Variants in NNMT observed in about 807,000 individuals in gnomAD.
NNMT encodes nicotinamide N-methyltransferase.
In NNMT, 10 loss-of-function variants were observed where a neutral mutation model predicts 11.7. That is an observed-to-expected ratio of 0.85 (90% CI 0.53 to 1.45). NNMT has a LOEUF of 1.45. Among genes scored for constraint, NNMT ranks in the 40% most tolerant of loss-of-function variants. The pLI is 0.00. For synonymous variants in NNMT, 143 were observed against 133.8 expected, an observed-to-expected ratio of 1.07 and a Z score of -0.48; for missense variants, 381 against 319.4, an observed-to-expected ratio of 1.19 and a Z score of -1.47.
At chr11:114,311,226 G>A (rs1945545981) in intron 2 of NNMT, among the ~76,000 whole-genome samples, 1 of 152,196 alleles carries the variant, frequency 6.6e-6, no homozygotes, top group Admixed American at 6.5e-5. Flanking sequence ...TGCTTTGGGA[G>A]GCTGAGGTGG....
chr11:114,286,688 T>C (rs1945302880), intron 2 of NNMT, among the ~76,000 whole-genome samples: 1 of 152,212 alleles, frequency 6.6e-6, no homozygotes, highest in Non-Finnish European at 1.5e-5. Flanking sequence ...TATTCTACCA[T>C]TGTTGGACTT....
At chr11:114,276,631 A>G (rs889168601) in intron 2 of NNMT, among the ~76,000 whole-genome samples, 7 of 152,324 alleles carry the variant, frequency 4.6e-5, no homozygotes, top group African/African-American at 1.7e-4. Context: ...GAATTAGACC[A>G]GAGAAATAAA....
chr11:114,311,146 T>C (rs975357636), intron 2 of NNMT, among the ~76,000 whole-genome samples: 1 of 152,038 alleles, frequency 6.6e-6, no homozygotes, highest in Non-Finnish European at 1.5e-5. Context: ...CTGGGCAACA[T>C]AGGGAGACCC....
intron 2 of NNMT, among the ~76,000 whole-genome samples, chr11:114,269,972 A>C (rs1037728707): frequency 2.6e-5 from 4 of 152,108 alleles, no homozygotes; most frequent in African/African-American, 9.6e-5. Flanking sequence ...TTATGTGTAG[A>C]GTTTAAAAAA....
chr11:114,270,505 GT>G (rs1426084861), intron 2 of NNMT: 2 of 152,202 alleles, frequency 1.3e-5, no homozygotes, highest in Non-Finnish European at 2.9e-5. Context: ...GAGTGTATGA[GT>G]TTGGTAGTGT....
intron 2 of NNMT, among the ~76,000 whole-genome samples, chr11:114,273,182 T>C (rs1049380206): frequency 6.6e-6 from 1 of 152,208 alleles, no homozygotes; most frequent in Non-Finnish European, 1.5e-5. Flanking sequence ...AGGACCAAGA[T>C]TTCCAGGTGC....
intron 1 of NNMT, 104 bp downstream of exon 1, chr11:114,296,814 T>C: frequency 9.2e-7 from 1 of 1,082,744 alleles, no homozygotes; most frequent in Admixed American, 2.0e-5. Flanking sequence ...CACAGCCCTT[T>C]TGGCATCACC....
intron 2 of NNMT, among the ~76,000 whole-genome samples, chr11:114,278,199 G>C (rs1004525679): frequency 6.6e-6 from 1 of 152,178 alleles, no homozygotes; most frequent in South Asian, 2.1e-4. Context: ...CGGAAGGCAA[G>C]GGAGGAGCAG....
chr11:114,311,847 T>C lies in NNMT; in HGVS notation c.363-198T>C, dbSNP rs1344790284. On this transcript the variant is annotated intron_variant, in intron 2 of 2. Coordinates refer to ENST00000299964, the MANE Select transcript of NNMT (RefSeq NM_006169.3). ...ACATACTATTCACTTTATGAAGAGATTTAACATAGCTCAGGGTAATATGGT... is the reference window on the plus strand; with the variant it reads ...ACATACTATTCACTTTATGAAGAGACTTAACATAGCTCAGGGTAATATGGT... Among the ~76,000 whole-genome samples the C allele has an allele frequency of 3.3e-5, 5 of 152,130 alleles. No individual in the cohort carries two copies. The South Asian group carries it at 8.3e-4, about 25-fold the overall frequency.
intron 2 of NNMT, among the ~76,000 whole-genome samples, chr11:114,307,327 G>A (rs1945501729): frequency 6.6e-6 from 1 of 152,148 alleles, no homozygotes; most frequent in Admixed American, 6.5e-5. Flanking sequence ...AATTGGACAA[G>A]CCAGAACCTG....
chr11:114,271,451 C>T (rs1945169565), intron 2 of NNMT, among the ~76,000 whole-genome samples: 1 of 152,168 alleles, frequency 6.6e-6, no homozygotes, highest in Non-Finnish European at 1.5e-5. Context: ...TGAATGAGGA[C>T]TTGAAGAAGA....
chr11:114,287,591 A>G (rs1318126313), intron 2 of NNMT, among the ~76,000 whole-genome samples: 3 of 152,162 alleles, frequency 2.0e-5, no homozygotes, highest in Admixed American at 2.0e-4. Flanking sequence ...ACTCTGTTCT[A>G]TTGGTCTATT....
intron 2 of NNMT, among the ~76,000 whole-genome samples, chr11:114,309,312 G>T (rs1388329981): frequency 6.6e-6 from 1 of 152,104 alleles, no homozygotes; most frequent in Non-Finnish European, 1.5e-5. Flanking sequence ...TTGTATCAAG[G>T]CTGGGTGGTA....
chr11:114,282,564 C>T (rs1394867763), intron 2 of NNMT, among the ~76,000 whole-genome samples: 1 of 152,204 alleles, frequency 6.6e-6, no homozygotes, highest in Non-Finnish European at 1.5e-5. Flanking sequence ...CACATCCAGG[C>T]TGTATTTCAC....
intron 2 of NNMT, among the ~76,000 whole-genome samples, chr11:114,265,622 G>A (rs1945114152): frequency 6.6e-6 from 1 of 152,164 alleles, no homozygotes; most frequent in Non-Finnish European, 1.5e-5. Flanking sequence ...TGGCTTTCAG[G>A]ACCAGCCCAA....
intron 2 of NNMT, among the ~76,000 whole-genome samples, chr11:114,300,344 T>C (rs190279279): frequency 2.0e-5 from 3 of 152,310 alleles, no homozygotes; most frequent in Admixed American, 6.5e-5. Flanking sequence ...TGTTGCTTAA[T>C]TTCCAAAGTA....
At chr11:114,262,763 A>T (rs1945093383) in intron 1 of NNMT, 1 of 152,192 alleles carries the variant, frequency 6.6e-6, no homozygotes, top group Admixed American at 6.5e-5. Flanking sequence ...TCCTCAGAAA[A>T]ACACATACCC....
chr11:114,271,716 A>G (rs1945171627), intron 2 of NNMT, among the ~76,000 whole-genome samples: 1 of 152,246 alleles, frequency 6.6e-6, no homozygotes, highest in African/African-American at 2.4e-5. Context: ...GGTCTGGGAC[A>G]GAAACCAGGG....
chr11:114,273,233 G>A (rs1424574269), intron 2 of NNMT, among the ~76,000 whole-genome samples: 2 of 152,182 alleles, frequency 1.3e-5, no homozygotes, highest in Admixed American at 6.5e-5. Flanking sequence ...TACAGCTCAG[G>A]GATAAGAGGG....
Sources: allele counts gnomAD v4.1 joint callset (sites outside exome capture counted in the v4.1 genomes callset), GRCh38; gene constraint gnomAD v4.1.1; transcripts MANE v1.5; gene names NCBI Gene and HGNC (gene_info 2026-07-23, HGNC 2026-07-21).